The following PTPRD variants were observed in gnomAD, a reference collection of about 807,000 sequenced individuals.
PTPRD encodes the protein receptor-type tyrosine-protein phosphatase delta.
A neutral mutation model predicts 214.5 loss-of-function variants in PTPRD; 34 were observed. The observed-to-expected ratio is 0.16, with a 90% confidence interval of 0.12 to 0.21. The LOEUF (loss-of-function observed/expected upper bound fraction) is 0.21. Ranked by LOEUF, PTPRD falls within the 10% of genes least tolerant of loss-of-function variation. The pLI, the probability that PTPRD is intolerant of heterozygous loss-of-function variation, is 1.00. For missense variants in PTPRD, 2,545 were observed against 2,398.7 expected, an observed-to-expected ratio of 1.06 and a Z score of -1.27; for synonymous variants, 1,128 against 845.7, an observed-to-expected ratio of 1.33 and a Z score of -5.79.
chr9:8,331,506 TTAC>T, intron 44 of PTPRD, 73 bp downstream of exon 44: 1 of 1,514,752 alleles, frequency 6.6e-7, no homozygotes, highest in Non-Finnish European at 8.9e-7. Context: ...ATAAGCAAAC[TTAC>T]TACAAAAAGT....
intron 3 of PTPRD, among the ~76,000 whole-genome samples, chr9:10,207,063 A>G (rs1435936873): frequency 1.3e-5 from 2 of 152,142 alleles, no homozygotes; most frequent in Non-Finnish European, 2.9e-5. Flanking sequence ...TGTATTCATC[A>G]TCTATCTATA....
At chr9:8,713,164 C>T (rs2098380891) in intron 12 of PTPRD, 2 of 559,154 alleles carry the variant, frequency 3.6e-6, no homozygotes, top group Non-Finnish European at 6.3e-6. Context: ...ACTTCTCCTG[C>T]ATAACTGTCA....
intron 9 of PTPRD, among the ~76,000 whole-genome samples, chr9:9,263,056 C>A (rs1392248571): frequency 6.6e-6 from 1 of 151,490 alleles, no homozygotes; most frequent in Non-Finnish European, 1.5e-5. Flanking sequence ...AAATGCTAAT[C>A]CTCAGGGTAA....
intron 9 of PTPRD, among the ~76,000 whole-genome samples, chr9:9,343,132 C>T (rs112686641): frequency 1.3e-5 from 2 of 152,106 alleles, no homozygotes; most frequent in Admixed American, 1.3e-4. Context: ...CAGTCTATCA[C>T]TGATAGGCAT....
chr9:10,300,214 G>C lies in PTPRD; in HGVS notation c.-545+40749C>G, dbSNP rs2095818764. Among the ~76,000 whole-genome samples, 3 of 152,146 alleles carry C rather than the reference G, an allele frequency of 2.0e-5. No homozygotes were observed. The South Asian group carries it at 6.2e-4, about 32-fold the overall frequency. ...TTTATAGTTAAAATTCTAATGGGAAGATTTGCTGGCAAGATGGCCGAATAG... is the reference window on the plus strand; with the variant it reads ...TTTATAGTTAAAATTCTAATGGGAACATTTGCTGGCAAGATGGCCGAATAG... On this transcript the variant is annotated intron_variant, in intron 3 of 45. Coordinates refer to ENST00000381196, the MANE Select transcript of PTPRD (RefSeq NM_002839.4).
In PTPRD at chr9:8,486,104, C is replaced by T. The variant is rs1369780691; in HGVS notation, c.2713G>A (p.Glu905Lys). 1.2e-6 allele frequency: 2 copies of T among 1,614,190 alleles called. No individual in the cohort carries two copies. Residue 905 changes from glutamate (E) to lysine (K), a missense_variant, in exon 28 of 46, where the codon GAG becomes AAG. Physicochemically the swap from Glu to Lys is moderately conservative, Grantham distance 56. Transcript: ENST00000381196. Reference sequence around the variant, plus strand: ...ATGGAAATCTCCTTCACCATCTCCTCCCCAAAGCCCACTTTGTTTCTGGCT... The same window carrying T: ...ATGGAAATCTCCTTCACCATCTCCTTCCCAAAGCCCACTTTGTTTCTGGCT... ...LSARNKVGFG[E>K]EMVKEISIPE...
intron 2 of PTPRD, among the ~76,000 whole-genome samples, chr9:10,467,479 A>G (rs2099002325): frequency 6.6e-6 from 1 of 152,188 alleles, no homozygotes; most frequent in African/African-American, 2.4e-5. Context: ...CTAAAACTCA[A>G]AATGAATAAC....
intron 8 of PTPRD, among the ~76,000 whole-genome samples, chr9:9,546,586 C>T (rs532199657): frequency 2.6e-5 from 4 of 151,832 alleles, no homozygotes; most frequent in South Asian, 4.2e-4. Context: ...TTACTACTAC[C>T]TTTATGCTAT....
intron 5 of PTPRD, among the ~76,000 whole-genome samples, chr9:9,896,520 C>T (rs1273903419): frequency 6.6e-6 from 1 of 151,884 alleles, no homozygotes; most frequent in Admixed American, 6.6e-5. Context: ...GATAGCTAAA[C>T]ACATTTTTTA....
intron 5 of PTPRD, among the ~76,000 whole-genome samples, chr9:9,846,052 A>T (rs1329945902): frequency 2.0e-5 from 3 of 152,122 alleles, no homozygotes; most frequent in African/African-American, 7.2e-5. Flanking sequence ...AGTGTTATAC[A>T]AATTATGTAG....
intron 11 of PTPRD, among the ~76,000 whole-genome samples, chr9:8,896,560 T>C (rs1199778008): frequency 1.3e-5 from 2 of 152,190 alleles, no homozygotes; most frequent in African/African-American, 4.8e-5. Flanking sequence ...AACTAGTTAT[T>C]GCCACAAACA....
intron 8 of PTPRD, among the ~76,000 whole-genome samples, chr9:9,509,017 T>C (rs768095557): frequency 4.0e-5 from 6 of 151,488 alleles, no homozygotes; most frequent in African/African-American, 7.3e-5. Flanking sequence ...TTACTAAATA[T>C]GGTTGTAAAA....
At chr9:8,786,133 T>C (rs1051945030) in intron 11 of PTPRD, among the ~76,000 whole-genome samples, 1 of 150,628 alleles carries the variant, frequency 6.6e-6, no homozygotes, top group Admixed American at 6.6e-5. Flanking sequence ...ATGAACAAGG[T>C]AGGGTGGGAG....
chr9:10,537,435 C>T (rs2135090022), intron 2 of PTPRD, among the ~76,000 whole-genome samples: 1 of 152,092 alleles, frequency 6.6e-6, no homozygotes, highest in East Asian at 1.9e-4. Flanking sequence ...AATGTGAGAT[C>T]GAGTATGTAA....
intron 9 of PTPRD, among the ~76,000 whole-genome samples, chr9:9,354,253 C>T (rs2052730450): frequency 6.6e-6 from 1 of 151,680 alleles, no homozygotes; most frequent in Non-Finnish European, 1.5e-5. Flanking sequence ...TTTACAAGTC[C>T]TGGGATTTGT....
chr9:8,831,807 G>T (rs551397331), intron 11 of PTPRD, among the ~76,000 whole-genome samples: 8 of 152,246 alleles, frequency 5.3e-5, no homozygotes, highest in African/African-American at 1.9e-4. Context: ...AAACCTCAGA[G>T]AAAGTTTCAC....
chr9:8,946,357 A>G (rs2099064223), intron 11 of PTPRD, among the ~76,000 whole-genome samples: 1 of 152,234 alleles, frequency 6.6e-6, no homozygotes, highest in Non-Finnish European at 1.5e-5. Flanking sequence ...AGCAGTATAT[A>G]GGTTTCGAGG....
chr9:9,014,410 G>C (rs1239563254), intron 11 of PTPRD, among the ~76,000 whole-genome samples: 3 of 151,870 alleles, frequency 2.0e-5, no homozygotes, highest in East Asian at 1.9e-4. Flanking sequence ...TCACCTAATA[G>C]TACAGCTTTT....
intron 5 of PTPRD, among the ~76,000 whole-genome samples, chr9:9,780,925 C>A (rs555727146): frequency 2.0e-5 from 3 of 152,272 alleles, no homozygotes; most frequent in Non-Finnish European, 2.9e-5. Flanking sequence ...GTGAAAGAGG[C>A]CAGTCTAGAA....
Sources: gnomAD v4.1 joint callset for allele counts (sites outside exome capture counted in the v4.1 genomes callset) on GRCh38, gnomAD v4.1.1 for gene constraint, MANE v1.5 for transcripts, NCBI Gene and HGNC (gene_info 2026-07-23, HGNC 2026-07-21) for gene names.